The following AFAP1 variants were observed in gnomAD, a reference collection of about 807,000 sequenced individuals.
The protein encoded by AFAP1 is actin filament-associated protein 1.
In AFAP1, 75 loss-of-function variants were observed where a neutral mutation model predicts 93.9. That is an observed-to-expected ratio of 0.80 (90% CI 0.66 to 0.97). The LOEUF is 0.97. Ranked by LOEUF, AFAP1 falls within the 50% of genes least tolerant of loss-of-function variation. The pLI, the probability that AFAP1 is intolerant of heterozygous loss-of-function variation, is 0.00. For synonymous variants in AFAP1, 517 were observed against 430.7 expected (o/e 1.20, Z -2.48); for missense variants, 1,201 against 1,050.8 (o/e 1.14, Z -1.98).
At chr4:7,936,125 T>A (rs554562289) in intron 1 of AFAP1, among the ~76,000 whole-genome samples, 1 of 152,134 alleles carries the variant, frequency 6.6e-6, no homozygotes, top group African/African-American at 2.4e-5. Flanking sequence ...GAAGCAAAAA[T>A]TGTAATTCAG....
chr4:7,767,818 G>C (rs972734213), intron 17 of AFAP1, among the ~76,000 whole-genome samples: 1 of 152,206 alleles, frequency 6.6e-6, no homozygotes, highest in Non-Finnish European at 1.5e-5. Context: ...AGTGGCTCAC[G>C]ACTGTAATCC....
intron 10 of AFAP1, among the ~76,000 whole-genome samples, chr4:7,798,281 T>C (rs1228696625): frequency 6.7e-5 from 10 of 149,008 alleles, no homozygotes; most frequent in African/African-American, 2.5e-4. Context: ...GCAACTCTAC[T>C]GGCTGGCTCA....
At chr4:7,779,627 C>G (rs1459190452) in intron 13 of AFAP1, among the ~76,000 whole-genome samples, 2 of 152,202 alleles carry the variant, frequency 1.3e-5, no homozygotes, top group African/African-American at 4.8e-5. Context: ...TGTTGCAGGC[C>G]TCACTTTTTG....
chr4:7,936,092 A>G (rs1485856371), intron 1 of AFAP1, among the ~76,000 whole-genome samples: 1 of 152,220 alleles, frequency 6.6e-6, no homozygotes, highest in East Asian at 1.9e-4. Context: ...GCAAATCAAA[A>G]TACAGGCAAA....
At chr4:7,885,565 G>C (rs1358090459) in intron 1 of AFAP1, among the ~76,000 whole-genome samples, 1 of 152,238 alleles carries the variant, frequency 6.6e-6, no homozygotes, top group Non-Finnish European at 1.5e-5. Context: ...ACCACTGTGT[G>C]ACTTCTCTCT....
rs1272842371 is a variant in AFAP1, at chr4:7,924,193, C to T, written c.-3+15463G>A. On this transcript the variant is annotated intron_variant, in intron 1 of 17. Transcript: ENST00000420658. Reference sequence around the variant, plus strand: ...GGTTTTGCCACCAAAAAAGCTGGAACGTTTCCCTGTAGTTCCGTTTATCTT... The same window carrying T: ...GGTTTTGCCACCAAAAAAGCTGGAATGTTTCCCTGTAGTTCCGTTTATCTT... Among the ~76,000 whole-genome samples the T allele has an allele frequency of 3.9e-5, 6 of 152,170 alleles. No homozygotes were observed. The East Asian group carries it at 7.7e-4, about 20-fold the overall frequency.
chr4:7,920,227 A>C (rs1720367040), intron 1 of AFAP1, among the ~76,000 whole-genome samples: 1 of 152,230 alleles, frequency 6.6e-6, no homozygotes, highest in Non-Finnish European at 1.5e-5. Context: ...ACTGTCTTCC[A>C]CAACAGTTGA....
At chr4:7,844,202 A>G (rs1713401674) in intron 4 of AFAP1, among the ~76,000 whole-genome samples, 1 of 152,130 alleles carries the variant, frequency 6.6e-6, no homozygotes, top group African/African-American at 2.4e-5. Context: ...ATGTAGAGAT[A>G]GGACTTTTAG....
At chr4:7,832,768 G>C (rs1711785260) in intron 6 of AFAP1, among the ~76,000 whole-genome samples, 1 of 151,384 alleles carries the variant, frequency 6.6e-6, no homozygotes, top group African/African-American at 2.4e-5. Flanking sequence ...TACAGTATAA[G>C]GCCATAGTCA....
chr4:7,884,267 CTCTTT>C (rs1195142595), intron 1 of AFAP1, among the ~76,000 whole-genome samples: 12 of 152,302 alleles, frequency 7.9e-5, no homozygotes, highest in Admixed American at 7.2e-4. Flanking sequence ...CCAATTAAAT[CTCTTT>C]TCTTTAGAAA....
In AFAP1 at chr4:7,760,111, G is replaced by C. The variant is rs1283712652; in HGVS notation, c.*3654C>G. On this transcript the variant is annotated 3_prime_UTR_variant, in exon 18 of 18. Coordinates refer to ENST00000420658, the MANE Select transcript of AFAP1 (RefSeq NM_001134647.2). ...GCTTCGACGCTGCCCTTTGAGTCCC[G>C]TGCACAAGCACCAAACTGTGGCCAT... 2 of 152,196 alleles carry C rather than the reference G, an allele frequency of 1.3e-5. No homozygotes were observed. Among genetic ancestry groups the C allele is most frequent in the Non-Finnish European group, 2.9e-5 (2 of 68,028 alleles). 9.4% of individuals were successfully genotyped at this position (152,196 alleles called of 1,614,324 possible).
intron 1 of AFAP1, among the ~76,000 whole-genome samples, chr4:7,878,861 A>G (rs1560216720): frequency 6.6e-6 from 1 of 152,174 alleles, no homozygotes; most frequent in Non-Finnish European, 1.5e-5. Flanking sequence ...TTTATACCGT[A>G]ACACTGACTC....
At chr4:7,813,237 A>G (rs191242326) in intron 8 of AFAP1, among the ~76,000 whole-genome samples, 7 of 152,352 alleles carry the variant, frequency 4.6e-5, no homozygotes, top group Admixed American at 3.3e-4. Flanking sequence ...CAAATCTCTC[A>G]GGTGCAAACT....
At chr4:7,773,614 A>T (rs1715738200) in intron 15 of AFAP1, 1 of 152,590 alleles carries the variant, frequency 6.6e-6, no homozygotes, top group Non-Finnish European at 1.5e-5. Flanking sequence ...CTCTTTTTCA[A>T]AGCCAAAAGC....
intron 1 of AFAP1, among the ~76,000 whole-genome samples, chr4:7,929,017 C>T (rs535134077): frequency 3.3e-5 from 5 of 152,322 alleles, no homozygotes; most frequent in Admixed American, 1.3e-4. Flanking sequence ...GCAGAGGCTT[C>T]GGAAATGCCT....
intron 6 of AFAP1, among the ~76,000 whole-genome samples, chr4:7,826,222 C>G (rs1404319957): frequency 6.6e-6 from 1 of 152,240 alleles, no homozygotes; most frequent in African/African-American, 2.4e-5. Context: ...CCACAGTCAC[C>G]TGCCAACTCT....
chr4:7,878,332 C>T (rs548568777), intron 1 of AFAP1, among the ~76,000 whole-genome samples: 1 of 152,360 alleles, frequency 6.6e-6, no homozygotes, highest in East Asian at 1.9e-4. Context: ...AGCTGTGCAG[C>T]AGGCTCTCTG....
intron 5 of AFAP1, among the ~76,000 whole-genome samples, chr4:7,842,231 TA>T (rs1381862621): frequency 8.7e-6 from 1 of 115,134 alleles, no homozygotes; most frequent in East Asian, 2.3e-4. Context: ...CATTAAAAAA[TA>T]TATAATATCC....
At chr4:7,786,466 T>C (rs929352113) in intron 11 of AFAP1, among the ~76,000 whole-genome samples, 155 bp from the exon 12 acceptor site, 3 of 152,178 alleles carry the variant, frequency 2.0e-5, no homozygotes, top group East Asian at 1.9e-4. Context: ...AGAAATGAGA[T>C]GATGCGCTGG....
Sources: gnomAD v4.1 joint callset for allele counts (sites outside exome capture counted in the v4.1 genomes callset) on GRCh38, gnomAD v4.1.1 for gene constraint, MANE v1.5 for transcripts, NCBI Gene and HGNC (gene_info 2026-07-23, HGNC 2026-07-21) for gene names.